The following LOXHD1 variants were observed in gnomAD, a reference collection of about 807,000 sequenced individuals.
LOXHD1 encodes lipoxygenase homology domain-containing protein 1.
In LOXHD1, 205 loss-of-function variants were observed where a neutral mutation model predicts 248.2. That is an observed-to-expected ratio of 0.83 (90% CI 0.74 to 0.93). The LOEUF (loss-of-function observed/expected upper bound fraction) is 0.93. Among genes scored for constraint, LOXHD1 ranks in the 40% least tolerant of loss-of-function variants. LOXHD1 has a pLI of 0.00. For synonymous variants in LOXHD1, 1,113 were observed against 1,162.8 expected, an observed-to-expected ratio of 0.96 and a Z score of 0.87; for missense variants, 2,930 against 2,971.6, an observed-to-expected ratio of 0.99 and a Z score of 0.33.
Position 46,563,096 on chromosome 18 carries a change from A to C in LOXHD1, c.2567T>G (p.Val856Gly). The change falls in exon 18 of 41, where the codon GTT becomes GGT. Residue 856 changes from valine to glycine, a missense_variant. Physicochemically the swap from Val to Gly is moderately radical, Grantham distance 109. Transcript: ENST00000642948. ...EVLFLSSRSK[V>G]FERASKDTFQ... is the part of the protein sequence containing the mutation. ...TGTGTCCTTGGACGCCCGTTCAAAA[A>C]CTTTTGAGCGGCTGGAGAGGAAGAG... is the stretch of plus-strand genomic sequence containing the variant. The C allele has an allele frequency of 1.2e-5, 19 of 1,545,034 alleles. No homozygotes were observed. The highest frequency in any genetic ancestry group is 1.7e-5 in the Non-Finnish European group (19 of 1,141,400).
At chr18:46,642,429 G>A (rs1289422110) in intron 2 of LOXHD1, among the ~76,000 whole-genome samples, 1 of 150,910 alleles carries the variant, frequency 6.6e-6, no homozygotes, top group Non-Finnish European at 1.5e-5. Context: ...AAACACCTTA[G>A]GACTCTTTGG....
At chr18:46,608,033 G>GA (rs1430970650) in intron 6 of LOXHD1, among the ~76,000 whole-genome samples, 4 of 142,292 alleles carry the variant, frequency 2.8e-5, no homozygotes, top group East Asian at 2.1e-4. Context: ...CGGAAGGAAG[G>GA]AGGGAAGGAA....
At position 46,639,656 on chromosome 18, in the gene LOXHD1, A is replaced by G; in HGVS notation, c.471T>C (p.Arg157=). 1 of 1,551,758 alleles carries G rather than the reference A, an allele frequency of 6.4e-7. No individual in the cohort carries two copies. Among genetic ancestry groups the G allele is most frequent in the East Asian group, 2.4e-5 (1 of 40,920 alleles). ...SKVEGDRQWC[R]DLLASFNPMD... ...TGGGGTTGAAGCTGGCCAGCAGGTCACGGCACCACTGGCGGTCACCTTCCA... is the reference window on the plus strand; with the variant it reads ...TGGGGTTGAAGCTGGCCAGCAGGTCGCGGCACCACTGGCGGTCACCTTCCA... Residue 157 remains arginine (R), a synonymous_variant, in exon 4 of 41, where the codon CGT becomes CGC. Transcript: ENST00000642948.
At chr18:46,526,257 G>C (rs182522742) in intron 29 of LOXHD1, among the ~76,000 whole-genome samples, 42 of 152,304 alleles carry the variant, frequency 2.8e-4, no homozygotes, top group African/African-American at 1.0e-3. Context: ...AAGCCATCTG[G>C]GGTCCTGTGC....
At chr18:46,520,164 G>T in intron 33 of LOXHD1, 1 of 457,184 alleles carries the variant, frequency 2.2e-6, no homozygotes. Context: ...GCTGCTCTCT[G>T]AGTCTCTAGC....
intron 13 of LOXHD1, among the ~76,000 whole-genome samples, chr18:46,578,177 C>T (rs1214265951): frequency 6.6e-6 from 1 of 152,184 alleles, no homozygotes; most frequent in Non-Finnish European, 1.5e-5. Context: ...GGCAAATCTC[C>T]TCTGGCTCCT....
In LOXHD1 at chr18:46,577,561, A is replaced by G. The variant is rs1022622670; in HGVS notation, c.1970+146T>C. 29 of 841,008 alleles carry G rather than the reference A, an allele frequency of 3.4e-5. 1 individual carries two copies. In the East Asian group the frequency reaches 6.2e-4, roughly 18 times the overall value. The allele number at this position is 841,008 out of a possible 1,614,324, so 52.1% of individuals were successfully genotyped here. A position where few individuals can be genotyped will look rare whatever the true frequency, so the allele number is the denominator to read the frequency against. On this transcript the variant is annotated intron_variant, in intron 14 of 40. Transcript: ENST00000642948. Reference sequence around the variant, plus strand: ...AATGTGAGGCTCAGGTCTAAGCACCACCAGCGAGGTCACCTCTTTCTTGCA... The same window carrying G: ...AATGTGAGGCTCAGGTCTAAGCACCGCCAGCGAGGTCACCTCTTTCTTGCA...
intron 21 of LOXHD1, among the ~76,000 whole-genome samples, chr18:46,554,268 CAG>C (rs1422070792): frequency 1.3e-5 from 2 of 152,128 alleles, no homozygotes; most frequent in African/African-American, 2.4e-5. Context: ...GCATGAGTGG[CAG>C]AGAGGCATCC....
intron 21 of LOXHD1, among the ~76,000 whole-genome samples, chr18:46,548,481 G>A (rs970798045): frequency 2.0e-5 from 3 of 152,148 alleles, no homozygotes; most frequent in African/African-American, 7.2e-5. Flanking sequence ...CTGATGGCAT[G>A]GATTTAAAGG....
chr18:46,479,236 A>G (rs62097060), intron 40 of LOXHD1, among the ~76,000 whole-genome samples: 2,020 of 142,886 alleles, frequency 0.014, 43 homozygotes, highest in African/African-American at 0.049. Context: ...ATATATATGT[A>G]TGTGTGTGTG....
Position 46,569,503 on chromosome 18 carries a change from T to C in LOXHD1, c.2183A>G (p.Lys728Arg), listed in dbSNP as rs2037709849. Residue 728 changes from lysine to arginine, a missense_variant, in exon 16 of 41, where the codon AAA (lysine) becomes AGA (arginine). By Grantham distance (26) the Lys-to-Arg change is conservative. Coordinates refer to ENST00000642948, the MANE Select transcript of LOXHD1 (RefSeq NM_001384474.1). ...QVLLVSDNNLKDYFERGRVDE... is the reference protein window; with the variant it reads ...QVLLVSDNNLRDYFERGRVDE... ...CACCCGGCCACGTTCAAAGTAGTCT[T>C]TGAGGTTGTTGTCAGAGACAAGAAG... 12 of 1,552,110 alleles carry C rather than the reference T, an allele frequency of 7.7e-6. No homozygotes were observed. The highest frequency in any genetic ancestry group is 1.0e-5 in the Non-Finnish European group (12 of 1,147,082).
intron 12 of LOXHD1, among the ~76,000 whole-genome samples, chr18:46,590,581 A>G (rs1375275176): frequency 6.6e-6 from 1 of 152,198 alleles, no homozygotes; most frequent in African/African-American, 2.4e-5. Context: ...TTAGTGCAAA[A>G]GTAATTGCAA....
At chr18:46,517,099 G>A (rs1256105498) in intron 34 of LOXHD1, among the ~76,000 whole-genome samples, 2 of 152,170 alleles carry the variant, frequency 1.3e-5, no homozygotes, top group African/African-American at 2.4e-5. Context: ...GTGTTCAGAG[G>A]CAAGTTGCTG....
At chr18:46,623,516 G>A (rs2038696639) in intron 4 of LOXHD1, among the ~76,000 whole-genome samples, 1 of 152,228 alleles carries the variant, frequency 6.6e-6, no homozygotes, top group Admixed American at 6.5e-5. Context: ...AAGATAGAGT[G>A]CCCACTCAAG....
intron 4 of LOXHD1, among the ~76,000 whole-genome samples, chr18:46,629,318 G>C (rs1327212812): frequency 6.6e-6 from 1 of 152,202 alleles, no homozygotes; most frequent in African/African-American, 2.4e-5. Context: ...TAAGATTAAT[G>C]ATTTAATTAC....
chr18:46,597,929 ATTTTT>A (rs10711303), intron 8 of LOXHD1, among the ~76,000 whole-genome samples: 4,005 of 140,210 alleles, frequency 0.029, 198 homozygotes, highest in African/African-American at 0.1. Context: ...AATTTTTTGC[ATTTTT>A]TTTTTTTTTT....
intron 40 of LOXHD1, among the ~76,000 whole-genome samples, chr18:46,482,333 C>T (rs758293739): frequency 2.0e-5 from 3 of 152,000 alleles, no homozygotes; most frequent in Non-Finnish European, 4.4e-5. Context: ...AGGGTGGGGC[C>T]CTTATGATGG....
chr18:46,520,338 G>T (rs1173857422), intron 33 of LOXHD1: 4 of 470,920 alleles, frequency 8.5e-6, no homozygotes, highest in East Asian at 6.9e-5. Flanking sequence ...GAAGCCCATT[G>T]GTTTTGATTC....
intron 37 of LOXHD1, among the ~76,000 whole-genome samples, chr18:46,490,355 T>G (rs1198218312): frequency 6.6e-6 from 1 of 152,238 alleles, no homozygotes; most frequent in Non-Finnish European, 1.5e-5. Context: ...ATAGCATCAT[T>G]CCAGGTTGAA....
Sources: allele counts gnomAD v4.1 joint callset (sites outside exome capture counted in the v4.1 genomes callset), GRCh38; gene constraint gnomAD v4.1.1; transcripts MANE v1.5; gene names NCBI Gene and HGNC (gene_info 2026-07-23, HGNC 2026-07-21).